Variants in CRADD observed in about 807,000 individuals in gnomAD.
CRADD encodes death domain-containing protein CRADD.
In CRADD, 9 loss-of-function variants were observed where a neutral mutation model predicts 15.5. That is an observed-to-expected ratio of 0.58 (90% CI 0.35 to 1.01). The LOEUF (loss-of-function observed/expected upper bound fraction) is 1.01. Among genes scored for constraint, CRADD ranks in the 50% least tolerant of loss-of-function variants. The pLI, the probability that CRADD is intolerant of heterozygous loss-of-function variation, is 0.02. For missense variants in CRADD, 227 were observed against 250.3 expected, an observed-to-expected ratio of 0.91 and a Z score of 0.63; for synonymous variants, 118 against 107.6, an observed-to-expected ratio of 1.10 and a Z score of -0.60.
rs941932070 is a variant in CRADD, at chr12:93,816,909, C to T, written c.299-33061C>T. On this transcript the variant is annotated intron_variant, in intron 2 of 2. Transcript: ENST00000332896. ...ACTTACTTGCAAGGTCATGCGACGA[C>T]GTAGCAGGGTTCAAGCCTTGGAAGA... Among the ~76,000 whole-genome samples the T allele has an allele frequency of 2.0e-5, 3 of 152,114 alleles. 1 individual carries two copies. Among genetic ancestry groups the T allele is most frequent in the Admixed American group, 1.3e-4 (2 of 15,270 alleles).
intron 2 of CRADD, among the ~76,000 whole-genome samples, chr12:93,718,444 T>G (rs758881047): frequency 1.3e-5 from 2 of 152,188 alleles, no homozygotes; most frequent in African/African-American, 4.8e-5. Flanking sequence ...TGTTTTTAAT[T>G]TTTAATTTCA....
At chr12:93,823,509 A>G (rs910196360) in intron 2 of CRADD, among the ~76,000 whole-genome samples, 2 of 152,158 alleles carry the variant, frequency 1.3e-5, no homozygotes, top group African/African-American at 2.4e-5. Flanking sequence ...ACTTTCATTA[A>G]TTGGTTGGAT....
intron 2 of CRADD, among the ~76,000 whole-genome samples, chr12:93,835,495 T>G (rs909057567): frequency 2.6e-5 from 4 of 152,184 alleles, no homozygotes; most frequent in Non-Finnish European, 4.4e-5. Context: ...CTTGCTCATT[T>G]TAGGGATATT....
intron 2 of CRADD, among the ~76,000 whole-genome samples, chr12:93,690,734 T>G (rs543088693): frequency 6.6e-6 from 1 of 152,344 alleles, no homozygotes; most frequent in African/African-American, 2.4e-5. Context: ...GTTCAAACAC[T>G]GACAGTCTGG....
chr12:93,678,399 T>C (rs1955205604), intron 1 of CRADD, among the ~76,000 whole-genome samples: 2 of 152,224 alleles, frequency 1.3e-5, no homozygotes, highest in Non-Finnish European at 2.9e-5. Context: ...CCACCATTTC[T>C]TCTCCAGCGT....
intron 2 of CRADD, among the ~76,000 whole-genome samples, chr12:93,728,000 C>G (rs993085380): frequency 1.3e-5 from 2 of 152,180 alleles, no homozygotes; most frequent in African/African-American, 4.8e-5. Context: ...ACAGAACTTG[C>G]GTGTTACTAT....
chr12:93,794,675 A>G (rs1257554011), intron 2 of CRADD, among the ~76,000 whole-genome samples: 4 of 152,132 alleles, frequency 2.6e-5, no homozygotes, highest in Non-Finnish European at 5.9e-5. Context: ...CAGTCCATGG[A>G]GAGACCAGCC....
chr12:93,870,978 T>G (rs570811163), intron 2 of CRADD, among the ~76,000 whole-genome samples: 38 of 152,238 alleles, frequency 2.5e-4, no homozygotes, highest in African/African-American at 8.7e-4. Context: ...GCACAGAAGT[T>G]TTCAAACAGA....
chr12:93,842,979 G>A (rs1450543410), intron 2 of CRADD, among the ~76,000 whole-genome samples: 2 of 152,170 alleles, frequency 1.3e-5, no homozygotes, highest in Non-Finnish European at 2.9e-5. Flanking sequence ...ATCTGTATAA[G>A]GGAGAACATT....
chr12:93,841,087 A>C (rs1009475352), intron 2 of CRADD, among the ~76,000 whole-genome samples: 7 of 152,146 alleles, frequency 4.6e-5, no homozygotes, highest in Non-Finnish European at 1.0e-4. Flanking sequence ...GCATCTATTA[A>C]GATAATAATG....
At chr12:93,822,485 A>G (rs1468122510) in intron 2 of CRADD, among the ~76,000 whole-genome samples, 2 of 152,136 alleles carry the variant, frequency 1.3e-5, no homozygotes, top group African/African-American at 4.8e-5. Flanking sequence ...AAGGCTTGGT[A>G]TGGGCAACTC....
rs139114587 is a variant in CRADD, at chr12:93,809,969, A to C, written c.299-40001A>C. Among the ~76,000 whole-genome samples, 539 of 152,320 alleles carry C rather than the reference A, an allele frequency of 3.5e-3. 6 individuals carry two copies. The highest frequency in any genetic ancestry group is 0.013 in the African/African-American group (524 of 41,564). Reference sequence around the variant, plus strand: ...TTAGTCTTATATAACCTTCTCGCTCAACAACTGAAAAGTTGTACAAACCTT... The same window carrying C: ...TTAGTCTTATATAACCTTCTCGCTCCACAACTGAAAAGTTGTACAAACCTT... On this transcript the variant is annotated intron_variant, in intron 2 of 2. Coordinates refer to ENST00000332896, the MANE Select transcript of CRADD (RefSeq NM_003805.5).
At chr12:93,814,836 G>C (rs1957673191) in intron 2 of CRADD, among the ~76,000 whole-genome samples, 1 of 152,192 alleles carries the variant, frequency 6.6e-6, no homozygotes. Flanking sequence ...TGAAACCTAT[G>C]TGATCATGTA....
At chr12:93,768,926 G>T (rs571991053) in intron 2 of CRADD, among the ~76,000 whole-genome samples, 9 of 152,010 alleles carry the variant, frequency 5.9e-5, no homozygotes, top group Non-Finnish European at 1.2e-4. Flanking sequence ...TGTAGTTTTT[G>T]ATTTTTTTAC....
chr12:93,805,468 TTTTC>T (rs2137001215), intron 2 of CRADD, among the ~76,000 whole-genome samples: 2 of 152,134 alleles, frequency 1.3e-5, no homozygotes, highest in East Asian at 3.9e-4. Flanking sequence ...CAGTTTTTCT[TTTTC>T]TTTATTTTTT....
chr12:93,850,979 A>G (rs952886620), downstream of CRADD, among the ~76,000 whole-genome samples: 18 of 152,298 alleles, frequency 1.2e-4, no homozygotes, highest in African/African-American at 4.3e-4. The surrounding 1 kb of genome is among the most constrained non-coding windows in gnomAD (Gnocchi z 4.0). Flanking sequence ...CAGCATGCAT[A>G]CCCGAGCCCT....
At chr12:93,825,706 G>C (rs1387767182) in intron 2 of CRADD, among the ~76,000 whole-genome samples, 1 of 152,134 alleles carries the variant, frequency 6.6e-6, no homozygotes, top group Admixed American at 6.5e-5. Flanking sequence ...GCAGTATTAG[G>C]CTATGAGAAC....
chr12:93,681,355 AG>A (rs1178401549), intron 2 of CRADD, among the ~76,000 whole-genome samples: 1 of 152,234 alleles, frequency 6.6e-6, no homozygotes, highest in Non-Finnish European at 1.5e-5. Flanking sequence ...GTAGAAGTTT[AG>A]AAAAATAAGG....
At chr12:93,696,735 G>T (rs983274053) in intron 2 of CRADD, among the ~76,000 whole-genome samples, 17 of 138,986 alleles carry the variant, frequency 1.2e-4, no homozygotes, top group Admixed American at 2.1e-4. Context: ...ACCACAAATA[G>T]AAAATATTTG....
Sources: allele counts gnomAD v4.1 joint callset (sites outside exome capture counted in the v4.1 genomes callset), GRCh38; gene constraint gnomAD v4.1.1; non-coding constraint Gnocchi (gnomAD v3.1); transcripts MANE v1.5; gene names NCBI Gene and HGNC (gene_info 2026-07-23, HGNC 2026-07-21).